PRKN: variants seen among roughly 807,000 people sequenced by gnomAD.
The protein encoded by PRKN is parkin RBR E3 ubiquitin protein ligase, also known as E3 ubiquitin-protein ligase parkin.
PRKN carries 56 observed loss-of-function variants against 59.5 expected under a neutral mutation model. That is an observed-to-expected ratio of 0.94 (90% CI 0.76 to 1.18). The LOEUF is 1.18. PRKN is among the 50% of genes most tolerant of loss of function. The probability of loss-of-function intolerance (pLI) is 0.00; values close to 1 mark genes in which losing one functional copy is unlikely to be tolerated. For synonymous variants in PRKN, 250 were observed against 222.1 expected, an observed-to-expected ratio of 1.13 and a Z score of -1.12; for missense variants, 657 against 596.4, an observed-to-expected ratio of 1.10 and a Z score of -1.06.
chr6:161,967,751 T>G (rs974701967), intron 6 of PRKN, among the ~76,000 whole-genome samples: 1 of 152,166 alleles, frequency 6.6e-6, no homozygotes, highest in Non-Finnish European at 1.5e-5. Context: ...TGTGGCTGCT[T>G]TTTCCCTAAG....
At chr6:162,296,310 C>G (rs1294007441) in intron 2 of PRKN, among the ~76,000 whole-genome samples, 1 of 150,018 alleles carries the variant, frequency 6.7e-6, no homozygotes, top group Non-Finnish European at 1.5e-5. Flanking sequence ...CCTTGACAAG[C>G]CCACACTCTC....
At chr6:162,242,837 C>CTGCCTTATTATCT (rs1779037619) in intron 3 of PRKN, among the ~76,000 whole-genome samples, 1 of 152,012 alleles carries the variant, frequency 6.6e-6, no homozygotes, top group Non-Finnish European at 1.5e-5. Context: ...ACCTTATTAC[C>CTGCCTTATTATCT]GTAGAAAACT....
intron 1 of PRKN, among the ~76,000 whole-genome samples, chr6:162,509,547 T>C: frequency 6.6e-6 from 1 of 152,166 alleles, no homozygotes; most frequent in East Asian, 1.9e-4. Context: ...TTCATAGATT[T>C]TTCCCAAAAC....
chr6:162,047,971 T>G (rs1417001730), intron 5 of PRKN, among the ~76,000 whole-genome samples: 1 of 152,212 alleles, frequency 6.6e-6, no homozygotes, highest in Non-Finnish European at 1.5e-5. Context: ...CTGAGTTTAA[T>G]AGTTACATTA....
chr6:161,620,045 A>G (rs1365539388), intron 7 of PRKN, among the ~76,000 whole-genome samples: 3 of 125,918 alleles, frequency 2.4e-5, no homozygotes, highest in Non-Finnish European at 4.6e-5. Context: ...GCTGGAGTGC[A>G]ATGGTGTGAT....
At chr6:162,699,170 A>G (rs1265314510) in intron 1 of PRKN, among the ~76,000 whole-genome samples, 1 of 152,194 alleles carries the variant, frequency 6.6e-6, no homozygotes, top group East Asian at 1.9e-4. Flanking sequence ...GCAGATACAT[A>G]TTGACTATTT....
At chr6:162,084,641 A>C (rs1005010690) in intron 4 of PRKN, among the ~76,000 whole-genome samples, 1 of 152,120 alleles carries the variant, frequency 6.6e-6, no homozygotes, top group African/African-American at 2.4e-5. Flanking sequence ...TGAGTTATTT[A>C]TGTTTCTACA....
At chr6:161,834,080 G>A (rs1462872838) in intron 6 of PRKN, among the ~76,000 whole-genome samples, 1 of 152,088 alleles carries the variant, frequency 6.6e-6, no homozygotes, top group Non-Finnish European at 1.5e-5. Flanking sequence ...CATCGTGTAA[G>A]AGCAGCCGCT....
intron 5 of PRKN, among the ~76,000 whole-genome samples, chr6:162,009,972 T>C (rs1782423691): frequency 6.6e-6 from 1 of 151,410 alleles, no homozygotes; most frequent in South Asian, 2.1e-4. Flanking sequence ...TAACTAGGTG[T>C]ACTTGTAAAA....
intron 10 of PRKN, among the ~76,000 whole-genome samples, chr6:161,367,251 G>A (rs1475435812): frequency 6.6e-6 from 1 of 151,922 alleles, no homozygotes; most frequent in African/African-American, 2.4e-5. Context: ...AAAGTGCTGG[G>A]ATTACAGGCG....
chr6:162,044,465 C>T (rs116223882), intron 5 of PRKN, among the ~76,000 whole-genome samples: 198 of 152,334 alleles, frequency 1.3e-3, no homozygotes, highest in African/African-American at 4.6e-3. Context: ...TGCATTTCAG[C>T]TCAACGTCTA....
chr6:162,643,206 T>A (rs1778029721), intron 1 of PRKN, among the ~76,000 whole-genome samples: 1 of 151,952 alleles, frequency 6.6e-6, no homozygotes, highest in South Asian at 2.1e-4. Context: ...GAGACTAGCC[T>A]GGGCAACATG....
chr6:161,784,767 G>C (rs1434572181), intron 7 of PRKN, among the ~76,000 whole-genome samples: 18 of 152,038 alleles, frequency 1.2e-4, no homozygotes, highest in Admixed American at 1.2e-3. Flanking sequence ...ATATATCCAA[G>C]GTAAATGAAA....
Position 162,508,101 on chromosome 6 carries a change from G to A in PRKN, c.8-64628C>T, listed in dbSNP as rs528220048. On this transcript the variant is annotated intron_variant, in intron 1 of 11. Transcript: ENST00000366898. The stretch of plus-strand genomic sequence containing the variant: ...GTTCCACATGGCTGGGAAAGCCTCA[G>A]AATCATGGCAGGAGGCAAAAGGCAC... 2.0e-5 allele frequency among the ~76,000 whole-genome samples: 3 copies of A among 152,280 alleles called. 1 individual carries two copies. Among genetic ancestry groups the A allele is most frequent in the East Asian group, 1.9e-4 (1 of 5,180 alleles).
chr6:161,724,100 G>A (rs1321990216), intron 7 of PRKN, among the ~76,000 whole-genome samples: 1 of 152,218 alleles, frequency 6.6e-6, no homozygotes, highest in East Asian at 1.9e-4. Context: ...TGCCTGGTGA[G>A]TCTGCAATGT....
At chr6:162,351,318 G>A (rs1784615673) in intron 2 of PRKN, among the ~76,000 whole-genome samples, 1 of 152,190 alleles carries the variant, frequency 6.6e-6, no homozygotes, top group South Asian at 2.1e-4. Context: ...TGGCAAATAA[G>A]TACCTGAGAA....
chr6:162,700,576 C>T (rs1248230188), intron 1 of PRKN, among the ~76,000 whole-genome samples: 2 of 152,124 alleles, frequency 1.3e-5, no homozygotes, highest in Admixed American at 6.5e-5. Flanking sequence ...TACAGGAATA[C>T]ATTTTGAGAA....
rs1340061005 is a variant in PRKN at position 161,499,985 on chromosome 6, A to G, written c.1083+48869T>C. 6.6e-6 allele frequency among the ~76,000 whole-genome samples: 1 copy of G among 151,942 alleles called. No individual in the cohort carries two copies. The highest frequency in any genetic ancestry group is 1.5e-5 in the Non-Finnish European group (1 of 67,966). ...GCTGCCCTCACTCTCCTCCTTCCCCACTTTTGTTCATGCAGTGTCTTTGCC... is the reference window on the plus strand; with the variant it reads ...GCTGCCCTCACTCTCCTCCTTCCCCGCTTTTGTTCATGCAGTGTCTTTGCC... On this transcript the variant is annotated intron_variant, in intron 9 of 11. Transcript: ENST00000366898. The surrounding 1 kb of genome is among the most constrained non-coding windows in gnomAD (Gnocchi z 4.2).
intron 2 of PRKN, among the ~76,000 whole-genome samples, chr6:162,387,551 CACACAGAGAGAGAGAGAGAGAGAG>C (rs1478977763): frequency 5.2e-5 from 4 of 76,636 alleles, no homozygotes; most frequent in African/African-American, 1.6e-4. Flanking sequence ...CACACACACA[CACACAGAGAGAGAGAGAGAGAGAG>C]AGAGAGAGAG....
Sources: allele counts gnomAD v4.1 joint callset (sites outside exome capture counted in the v4.1 genomes callset), GRCh38; gene constraint gnomAD v4.1.1; non-coding constraint Gnocchi (gnomAD v3.1); transcripts MANE v1.5; gene names NCBI Gene and HGNC (gene_info 2026-07-23, HGNC 2026-07-21).